THSD4: variants seen among roughly 807,000 people sequenced by gnomAD.
The protein encoded by THSD4 is thrombospondin type 1 domain containing 4, also known as thrombospondin type-1 domain-containing protein 4.
In THSD4, 69 loss-of-function variants were observed where a neutral mutation model predicts 119.0. The ratio of observed to expected loss-of-function variants is 0.58; its 90% CI spans 0.48 to 0.71. THSD4 has a LOEUF of 0.71. THSD4 is among the 30% of genes least tolerant of loss of function. The pLI is 0.00. For synonymous variants in THSD4, 524 were observed against 540.4 expected, an observed-to-expected ratio of 0.97 and a Z score of 0.42; for missense variants, 1,393 against 1,391.1, an observed-to-expected ratio of 1.00 and a Z score of -0.02.
chr15:71,591,712 T>C (rs968493202), intron 7 of THSD4, among the ~76,000 whole-genome samples: 1 of 147,694 alleles, frequency 6.8e-6, no homozygotes, highest in East Asian at 2.0e-4. Context: ...GTGGGAGAGA[T>C]GTTCAGACTG....
In THSD4 at chr15:71,553,669, C is replaced by G. The variant is rs76142237; in HGVS notation, c.1153-106861C>G. Among the ~76,000 whole-genome samples the G allele has an allele frequency of 6.1e-3, 922 of 152,248 alleles. 11 individuals are homozygous for G. Among genetic ancestry groups the G allele is most frequent in the African/African-American group, 0.02 (815 of 41,534 alleles). Reference sequence around the variant, plus strand: ...TAATATTTCATCACTAAGTATGATACCTGTCACAGATTTAGGTAGATACAT... The same window carrying G: ...TAATATTTCATCACTAAGTATGATAGCTGTCACAGATTTAGGTAGATACAT... On this transcript the variant is annotated intron_variant, in intron 7 of 17. Coordinates refer to ENST00000261862, the MANE Select transcript of THSD4 (RefSeq NM_024817.3).
At chr15:71,476,593 T>C (rs1221941181) in intron 7 of THSD4, among the ~76,000 whole-genome samples, 1 of 152,196 alleles carries the variant, frequency 6.6e-6, no homozygotes, top group Non-Finnish European at 1.5e-5. Context: ...CTTCAGACAA[T>C]TTCCAGTGTT....
intron 6 of THSD4, among the ~76,000 whole-genome samples, chr15:71,372,489 C>A (rs28796984): frequency 0.16 from 24,708 of 152,200 alleles, 2,249 homozygotes; most frequent in Admixed American, 0.24. Flanking sequence ...GTTAGTTTTC[C>A]TTCTAACAGT....
chr15:71,415,313 G>A lies in THSD4; in HGVS notation c.1152+3490G>A, dbSNP rs577941265. Among the ~76,000 whole-genome samples, 96 of 152,350 alleles carry A rather than the reference G, an allele frequency of 6.3e-4. 1 individual carries two copies. Among genetic ancestry groups the A allele is most frequent in the African/African-American group, 2.2e-3 (93 of 41,584 alleles). On this transcript the variant is annotated intron_variant, in intron 7 of 17. Transcript: ENST00000261862. Reference sequence around the variant, plus strand: ...CCGCAGGCCCACCCATTGCTGGCTTGAATGCTCTGTTTCAGCTCAAGTTAA... The same window carrying A: ...CCGCAGGCCCACCCATTGCTGGCTTAAATGCTCTGTTTCAGCTCAAGTTAA...
At chr15:71,350,043 T>C (rs2045723118) in intron 6 of THSD4, among the ~76,000 whole-genome samples, 1 of 151,790 alleles carries the variant, frequency 6.6e-6, no homozygotes, top group South Asian at 2.1e-4. Flanking sequence ...TAATTAAATC[T>C]CCATCTATAT....
At chr15:71,187,851 G>A (rs887126195) in intron 3 of THSD4, among the ~76,000 whole-genome samples, 8 of 152,274 alleles carry the variant, frequency 5.3e-5, no homozygotes, top group South Asian at 2.1e-4. Flanking sequence ...CATCAACAGC[G>A]AGTTTGGTTC....
intron 6 of THSD4, among the ~76,000 whole-genome samples, chr15:71,354,431 G>A (rs2045782605): frequency 6.6e-6 from 1 of 152,186 alleles, no homozygotes; most frequent in African/African-American, 2.4e-5. Flanking sequence ...ATTTACTTAG[G>A]TAAGGACTGA....
In THSD4 at chr15:71,215,227, C is replaced by G; in HGVS notation, c.292C>G (p.Arg98Gly). ...RGGQRPGAPARAFADHVVSAV... is the reference protein window; with the variant it reads ...RGGQRPGAPAGAFADHVVSAV... ...CGGCCAGCGGCCTGGCGCCCCTGCG[C>G]GCGCCTTCGCGGACCACGTGGTGTC... is the stretch of plus-strand genomic sequence containing the variant. Residue 98 changes from arginine to glycine, a missense_variant, in exon 4 of 18, where the codon CGC becomes GGC. Coordinates refer to ENST00000261862, the MANE Select transcript of THSD4 (RefSeq NM_024817.3). 1.4e-6 allele frequency: 2 copies of G among 1,413,246 alleles called. No homozygotes were observed. Among genetic ancestry groups the G allele is most frequent in the Non-Finnish European group, 1.8e-6 (2 of 1,090,148 alleles). The allele number at this position is 1,413,246 out of a possible 1,614,324, so 87.5% of individuals were successfully genotyped here. A position where few individuals can be genotyped will look rare whatever the true frequency, so the allele number is the denominator to read the frequency against.
At chr15:71,708,075 T>C (rs575667711) in intron 8 of THSD4, among the ~76,000 whole-genome samples, 190 of 152,294 alleles carry the variant, frequency 1.2e-3, no homozygotes, top group African/African-American at 4.2e-3. Context: ...GGAAGTTTTG[T>C]GGAAGTCCTG....
At chr15:71,415,114 G>A (rs1181330866) in intron 7 of THSD4, among the ~76,000 whole-genome samples, 4 of 152,232 alleles carry the variant, frequency 2.6e-5, no homozygotes, top group Non-Finnish European at 5.9e-5. Flanking sequence ...ATGTGCGTCT[G>A]CATCTGAAAT....
At chr15:71,745,502 C>G (rs561635026) in intron 12 of THSD4, among the ~76,000 whole-genome samples, 2 of 152,182 alleles carry the variant, frequency 1.3e-5, no homozygotes, top group South Asian at 4.1e-4. Flanking sequence ...GTAAGGAAAA[C>G]AAAGGAGGAA....
chr15:71,612,623 A>G (rs765455815), intron 7 of THSD4, among the ~76,000 whole-genome samples: 4 of 152,226 alleles, frequency 2.6e-5, no homozygotes, highest in Non-Finnish European at 5.9e-5. Flanking sequence ...AACTTTTGAC[A>G]CATTGCTAGG....
At chr15:71,426,103 A>T (rs4354881) in intron 7 of THSD4, among the ~76,000 whole-genome samples, 96,819 of 151,960 alleles carry the variant, frequency 0.64, 31,232 homozygotes, top group Middle Eastern at 0.77. Context: ...CCTCTGCACA[A>T]CCTCTGGTCA....
Position 71,409,951 on chromosome 15 carries a change from G to T in THSD4, c.1016-1736G>T, listed in dbSNP as rs1248776095. Among the ~76,000 whole-genome samples the T allele has an allele frequency of 2.0e-5, 3 of 151,282 alleles. No homozygotes were observed. The East Asian group carries it at 5.8e-4, about 29-fold the overall frequency. On this transcript the variant is annotated intron_variant, in intron 6 of 17. Coordinates refer to ENST00000261862, the MANE Select transcript of THSD4 (RefSeq NM_024817.3). ...ATCTTGTCTGTTTCTTTTGGATATA[G>T]AAATATATCTTGCCTGAAATTTATT...
chr15:71,130,608 A>G (rs2040494482), intron 1 of THSD4, among the ~76,000 whole-genome samples: 1 of 152,192 alleles, frequency 6.6e-6, no homozygotes, highest in Non-Finnish European at 1.5e-5. Flanking sequence ...TACTGTTTTA[A>G]TTCTTACAGC....
chr15:71,580,344 T>C lies in THSD4; in HGVS notation c.1153-80186T>C, dbSNP rs1427185007. Reference sequence around the variant, plus strand: ...AGTCTAAGCTTTTCTTTTTCCAGATTTATTGACATATAATTGACAAATGAT... The same window carrying C: ...AGTCTAAGCTTTTCTTTTTCCAGATCTATTGACATATAATTGACAAATGAT... On this transcript the variant is annotated intron_variant, in intron 7 of 17. Transcript: ENST00000261862. Among the ~76,000 whole-genome samples the C allele has an allele frequency of 4.6e-5, 7 of 152,314 alleles. No individual in the cohort carries two copies. In the East Asian group the frequency reaches 1.4e-3, roughly 29 times the overall value.
chr15:71,191,909 T>A (rs891340898), intron 3 of THSD4, among the ~76,000 whole-genome samples: 1 of 38,938 alleles, frequency 2.6e-5, no homozygotes, highest in African/African-American at 4.0e-5. Context: ...TTCTTCTTTT[T>A]TTTTTTTTTT....
At chr15:71,341,545 CTG>C in intron 6 of THSD4, 2 of 1,610,292 alleles carry the variant, frequency 1.2e-6, no homozygotes, top group Non-Finnish European at 1.7e-6. Context: ...ATGGTACACA[CTG>C]TTTCTGTAAA....
At chr15:71,734,336 C>T (rs894277134) in intron 10 of THSD4, among the ~76,000 whole-genome samples, 4 of 152,094 alleles carry the variant, frequency 2.6e-5, no homozygotes, top group Admixed American at 2.0e-4. Flanking sequence ...TGAGCCATCA[C>T]GTCACAAAGA....
Sources: gnomAD v4.1 joint callset for allele counts (sites outside exome capture counted in the v4.1 genomes callset) on GRCh38, gnomAD v4.1.1 for gene constraint, MANE v1.5 for transcripts, NCBI Gene and HGNC (gene_info 2026-07-23, HGNC 2026-07-21) for gene names.